WASHC2A: variants seen among roughly 807,000 people sequenced by gnomAD.
WASHC2A encodes WASH complex subunit 2A, also known as WASH complex subunit FAM21A.
Under a neutral mutation model 140.3 loss-of-function variants are expected in WASHC2A, and 82 were observed. That is an observed-to-expected ratio of 0.58 (90% CI 0.49 to 0.70). The LOEUF is 0.70. Ranked by LOEUF, WASHC2A falls within the 30% of genes least tolerant of loss-of-function variation. WASHC2A has a pLI of 0.00. For missense variants in WASHC2A, 985 were observed against 1,521.8 expected (o/e 0.65, Z 5.87); for synonymous variants, 340 against 560.8 (o/e 0.61, Z 5.56).
chr10:50,112,639 G>A (rs1282492498), intron 20 of WASHC2A, among the ~76,000 whole-genome samples: 1 of 146,730 alleles, frequency 6.8e-6, no homozygotes, highest in Non-Finnish European at 1.5e-5. Flanking sequence ...ACAGCCGAAA[G>A]TGTAAACAAC....
intron 29 of WASHC2A, 112 bp from the exon 30 acceptor site, chr10:50,130,789 A>T (rs1843893523): frequency 6.5e-7 from 1 of 1,533,074 alleles, no homozygotes; most frequent in Admixed American, 2.0e-5. Flanking sequence ...GGCAGTCTCG[A>T]GGCTGTTCCA....
At position 50,126,016 on chromosome 10, in the gene WASHC2A, A is replaced by G; in HGVS notation, c.2689-41A>G. On this transcript the variant is annotated intron_variant, in intron 25 of 30. Coordinates refer to ENST00000282633, the MANE Select transcript of WASHC2A (RefSeq NM_001005751.3). ...ATTATGATTTTTCCTTAAAATTTCTAAGATATTTGATGGCTTTTTGGTATT... is the reference window on the plus strand; with the variant it reads ...ATTATGATTTTTCCTTAAAATTTCTGAGATATTTGATGGCTTTTTGGTATT... The G allele has an allele frequency of 2.5e-6, 4 of 1,606,644 alleles. No individual in the cohort carries two copies. The South Asian group carries it at 4.5e-5, about 18-fold the overall frequency.
At chr10:50,109,651 A>G (rs1352390351) in intron 19 of WASHC2A, among the ~76,000 whole-genome samples, 15 of 152,346 alleles carry the variant, frequency 9.8e-5, no homozygotes, top group Non-Finnish European at 1.6e-4. Context: ...AAAAGTCTTA[A>G]GCATGAGCTT....
At chr10:50,081,910 GA>G in intron 5 of WASHC2A, among the ~76,000 whole-genome samples, 1 of 152,316 alleles carries the variant, frequency 6.6e-6, no homozygotes, top group South Asian at 2.1e-4. Flanking sequence ...TGGGATTACA[GA>G]CATGAGCCAC....
chr10:50,129,280 C>T lies in WASHC2A; in HGVS notation c.3088-139C>T. 3.4e-6 allele frequency: 5 copies of T among 1,454,046 alleles called. No homozygotes were observed. In the South Asian group the frequency reaches 6.3e-5, roughly 18 times the overall value. 90.1% of individuals were successfully genotyped at this position (1,454,046 alleles called of 1,614,324 possible). A position where few individuals can be genotyped will look rare whatever the true frequency, so the allele number is the denominator to read the frequency against. On this transcript the variant is annotated intron_variant, in intron 28 of 30. Transcript: ENST00000282633. ...CTTGGAAATCATTAAGAAATAACCT[C>T]TTCTATGTTCTTAGATAATATCTTC... is the stretch of plus-strand genomic sequence containing the variant.
intron 3 of WASHC2A, among the ~76,000 whole-genome samples, chr10:50,077,116 C>CAAA (rs1337138073): frequency 8.3e-6 from 1 of 120,060 alleles, no homozygotes; most frequent in African/African-American, 3.2e-5. Context: ...GACTCCATCT[C>CAAA]AAAAAAAAAA....
chr10:50,133,125 CAAA>C lies in WASHC2A; in HGVS notation c.*183_*185del. On this transcript the variant is annotated 3_prime_UTR_variant, in exon 31 of 31. Coordinates refer to ENST00000282633, the MANE Select transcript of WASHC2A (RefSeq NM_001005751.3). ...TTTAATCATGCTTAATACTACAAAACAAAAATAAATATTTCACAGTGGTTGGTT... is the reference window on the plus strand; with the variant it reads ...TTTAATCATGCTTAATACTACAAAACAATAAATATTTCACAGTGGTTGGTT... 9.9e-7 allele frequency: 1 copy of C among 1,010,444 alleles called. No homozygotes were observed. The highest frequency in any genetic ancestry group is 1.6e-5 in the African/African-American group (1 of 61,130). 62.6% of individuals were successfully genotyped at this position (1,010,444 alleles called of 1,614,324 possible).
intron 23 of WASHC2A, among the ~76,000 whole-genome samples, chr10:50,121,664 G>A (rs1843032779): frequency 6.7e-6 from 1 of 148,754 alleles, no homozygotes; most frequent in Non-Finnish European, 1.5e-5. Context: ...GAAGTGCTGG[G>A]ATTACAGGCA....
At chr10:50,105,910 C>T (rs1424651660) in intron 18 of WASHC2A, among the ~76,000 whole-genome samples, 4 of 150,942 alleles carry the variant, frequency 2.7e-5, no homozygotes, top group African/African-American at 9.8e-5. Flanking sequence ...CCAGTTCTCT[C>T]CTTTCAGCCA....
chr10:50,091,480 A>G lies in WASHC2A; in HGVS notation c.893A>G (p.Lys298Arg). The change falls in exon 10 of 31, where the codon AAG (lysine) becomes AGG (arginine). Residue 298 changes from lysine (K) to arginine (R), a missense_variant. Coordinates refer to ENST00000282633, the MANE Select transcript of WASHC2A (RefSeq NM_001005751.3). Reference protein sequence around the residue: ...SFADELAARIKGDAVGRVDEE... With the variant: ...SFADELAARIRGDAVGRVDEE... ...GCAGATGAGCTGGCTGCCCGCATCA[A>G]GGGGGATGCCGTGGGTCGAGTGGAC... 1.9e-6 allele frequency: 3 copies of G among 1,550,726 alleles called. No homozygotes were observed. Among genetic ancestry groups the G allele is most frequent in the Non-Finnish European group, 1.7e-6 (2 of 1,147,256 alleles).
At chr10:50,110,892 CAAAAAAAAAA>C (rs1239943523) in intron 20 of WASHC2A, among the ~76,000 whole-genome samples, 2 of 69,726 alleles carry the variant, frequency 2.9e-5, no homozygotes, top group South Asian at 6.6e-4. Context: ...GACTCCATCT[CAAAAAAAAAA>C]AAAAAAAAAA....
chr10:50,105,191 T>C (rs1178013474), intron 18 of WASHC2A, among the ~76,000 whole-genome samples: 10,086 of 151,098 alleles, frequency 0.067, 795 homozygotes, highest in African/African-American at 0.23. Context: ...CTGACCATTG[T>C]CTTTCTTTCC....
At position 50,068,118 on chromosome 10, in the gene WASHC2A, C is replaced by A. The variant is rs782518608; in HGVS notation, c.17C>A (p.Thr6Asn). ...TTTTCGCTGCAGATGAACCGGACGA[C>A]CCCCGACCAGGAGCTGGCGCCAGCG... Reference protein sequence around the residue: MMNRTTPDQELAPASE... With the variant: MMNRTNPDQELAPASE... Residue 6 changes from threonine (T) to asparagine (N), a missense_variant, in exon 2 of 31, where the codon ACC (threonine) becomes AAC (asparagine). Thr to Asn is a moderately conservative substitution (Grantham distance 65, BLOSUM62 0). Coordinates refer to ENST00000282633, the MANE Select transcript of WASHC2A (RefSeq NM_001005751.3). The A allele has an allele frequency of 1.2e-5, 20 of 1,606,566 alleles. No homozygotes were observed. The highest frequency in any genetic ancestry group is 2.2e-4 in the Middle Eastern group (1 of 4,582).
intron 11 of WASHC2A, among the ~76,000 whole-genome samples, chr10:50,092,497 A>C (rs1412246917): frequency 1.3e-3 from 191 of 152,064 alleles, no homozygotes; most frequent in Non-Finnish European, 2.4e-3. Context: ...TTCTACTAAA[A>C]ATACAAAAAA....
intron 20 of WASHC2A, chr10:50,112,207 C>A (rs1178758140): frequency 1.0e-6 from 1 of 977,820 alleles, no homozygotes; most frequent in African/African-American, 1.8e-5. Context: ...GGTCATAAAT[C>A]TGGCAGTCTG....
intron 18 of WASHC2A, among the ~76,000 whole-genome samples, chr10:50,104,569 C>G (rs1347101615): frequency 6.6e-6 from 1 of 152,014 alleles, no homozygotes; most frequent in Non-Finnish European, 1.5e-5. Context: ...GTTGGCCAGG[C>G]TAGTTTCGAA....
intron 7 of WASHC2A, among the ~76,000 whole-genome samples, chr10:50,086,355 C>T (rs1439578239): frequency 2.6e-5 from 4 of 151,422 alleles, no homozygotes; most frequent in Non-Finnish European, 4.4e-5. Context: ...TTTTAGCCAC[C>T]GATGTGGCAC....
In WASHC2A at chr10:50,112,201, A is replaced by G. The variant is rs1421489601; in HGVS notation, c.2040-1694A>G. 5 of 979,280 alleles carry G rather than the reference A, an allele frequency of 5.1e-6. No homozygotes were observed. In the East Asian group the frequency reaches 5.8e-4, roughly 114 times the overall value. The allele number at this position is 979,280 out of a possible 1,614,324, so 60.7% of individuals were successfully genotyped here. On this transcript the variant is annotated intron_variant, in intron 20 of 30. Transcript: ENST00000282633. ...CACTACCCCCACCCCACACAAGGTCATAAATCTGGCAGTCTGAACCCCATC... is the reference window on the plus strand; with the variant it reads ...CACTACCCCCACCCCACACAAGGTCGTAAATCTGGCAGTCTGAACCCCATC...
chr10:50,127,272 C>T, intron 27 of WASHC2A, 50 bp downstream of exon 27: 1 of 1,611,780 alleles, frequency 6.2e-7, no homozygotes, highest in Non-Finnish European at 8.5e-7. Flanking sequence ...CATCTATAAA[C>T]TTTTTTGGGT....
Sources: gnomAD v4.1 joint callset for allele counts (sites outside exome capture counted in the v4.1 genomes callset) on GRCh38, gnomAD v4.1.1 for gene constraint, MANE v1.5 for transcripts, NCBI Gene and HGNC (gene_info 2026-07-23, HGNC 2026-07-21) for gene names.